The following SH3PXD2B variants were observed in gnomAD, a reference collection of about 807,000 sequenced individuals.
SH3PXD2B encodes SH3 and PX domain-containing protein 2B.
In SH3PXD2B, 37 loss-of-function variants were observed where a neutral mutation model predicts 73.1. The observed-to-expected ratio is 0.51, with a 90% CI of 0.39 to 0.67. The LOEUF is 0.67. SH3PXD2B is among the 30% of genes least tolerant of loss of function. The pLI is 0.00. For missense variants in SH3PXD2B, 1,053 were observed against 1,197.8 expected, an observed-to-expected ratio of 0.88 and a Z score of 1.78; for synonymous variants, 457 against 480.5, an observed-to-expected ratio of 0.95 and a Z score of 0.64.
rs1483406891 is a variant in SH3PXD2B at position 172,445,916 on chromosome 5, C to T, written c.75+8362G>A. On this transcript the variant is annotated intron_variant, in intron 1 of 12. Transcript: ENST00000311601. This position sits in a 1 kb window ranked among gnomAD's most constrained non-coding sequence, Gnocchi z 5.2. ...TGGAGAATGGGGCAGAGGCCGATGG[C>T]TTGTGGCGGAGCTCAGGTCCGCAGG... Among the ~76,000 whole-genome samples, 3 of 152,364 alleles carry T rather than the reference C, an allele frequency of 2.0e-5. No homozygotes were observed. In the East Asian group the frequency reaches 5.8e-4, roughly 29 times the overall value.
At chr5:172,391,954 T>C (rs1308253211) in intron 4 of SH3PXD2B, among the ~76,000 whole-genome samples, 2 of 152,218 alleles carry the variant, frequency 1.3e-5, no homozygotes, top group Admixed American at 1.3e-4. Context: ...TTAGCTCTTA[T>C]ATTTAGGATT....
At chr5:172,442,600 C>A (rs942025062) in intron 1 of SH3PXD2B, among the ~76,000 whole-genome samples, 2 of 152,130 alleles carry the variant, frequency 1.3e-5, no homozygotes, top group Non-Finnish European at 2.9e-5. Context: ...TTAAGGAGTA[C>A]ATCCTTAATT....
intron 2 of SH3PXD2B, among the ~76,000 whole-genome samples, chr5:172,410,213 C>G (rs910795365): frequency 2.6e-5 from 4 of 152,216 alleles, no homozygotes; most frequent in East Asian, 1.9e-4. Context: ...TTTTGAGGAA[C>G]CTCTACATTG....
downstream of SH3PXD2B, among the ~76,000 whole-genome samples, chr5:172,329,540 C>CTTTTTTTTTTTTTTTTTTTTT (rs370876232): frequency 4.0e-3 from 430 of 106,404 alleles, 48 homozygotes; most frequent in Non-Finnish European, 5.0e-3. Context: ...CTTTGTTATT[C>CTTTTTTTTTTTTTTTTTTTTT]TTTTTTTTTT....
At chr5:172,385,094 C>T (rs527902689) in intron 4 of SH3PXD2B, among the ~76,000 whole-genome samples, 36 of 152,248 alleles carry the variant, frequency 2.4e-4, no homozygotes, top group Non-Finnish European at 4.0e-4. Flanking sequence ...TTTTCTGGTT[C>T]CAAGCAGTGA....
At chr5:172,355,075 G>A (rs1233515037) in intron 8 of SH3PXD2B, among the ~76,000 whole-genome samples, 1 of 152,242 alleles carries the variant, frequency 6.6e-6, no homozygotes, top group Non-Finnish European at 1.5e-5. Flanking sequence ...GCAAGGAGAG[G>A]AGAGGGCTCT....
In SH3PXD2B at chr5:172,336,644, T is replaced by C. The variant is rs947136348; in HGVS notation, c.*1725A>G. ...AAAACTGGCTTTGTGGGTCCAAAAG[T>C]ATCTCGCCTGATGAACACTGTGAAC... On this transcript the variant is annotated 3_prime_UTR_variant, in exon 13 of 13. Coordinates refer to ENST00000311601, the MANE Select transcript of SH3PXD2B (RefSeq NM_001017995.3). 8.1e-5 allele frequency: 79 copies of C among 981,260 alleles called. No homozygotes were observed. The highest frequency in any genetic ancestry group is 9.5e-5 in the Non-Finnish European group (79 of 829,252). The allele number at this position is 981,260 out of a possible 1,614,324, so 60.8% of individuals were successfully genotyped here.
chr5:172,325,298 AC>A lies in SH3PXD2B; in HGVS notation c.1270del (p.Val424TrpfsTer17). The stretch of plus-strand genomic sequence containing the variant: ...TTCTCACATCTCCATGGAAGCTGCC[AC>A]GTGCTTCCCAAGTGCTGTCCGCATC... On this transcript the variant is annotated frameshift_variant, in exon 13 of 13. Coordinates refer to the SH3PXD2B transcript ENST00000519643. LOFTEE classifies it high-confidence loss of function. 6.5e-7 allele frequency: 1 copy of A among 1,535,352 alleles called. No homozygotes were observed. The highest frequency in any genetic ancestry group is 8.7e-7 in the Non-Finnish European group (1 of 1,146,646).
At chr5:172,423,547 G>GT (rs34310503) in intron 1 of SH3PXD2B, among the ~76,000 whole-genome samples, 3 of 129,796 alleles carry the variant, frequency 2.3e-5, no homozygotes, top group Non-Finnish European at 4.9e-5. Flanking sequence ...TACGGGGTTG[G>GT]GGGGGGGGGC....
Position 172,335,576 on chromosome 5 carries a change from CGT to C in SH3PXD2B, c.*2791_*2792del. The C allele has an allele frequency of 8.1e-7, 1 of 1,231,718 alleles. No individual in the cohort carries two copies. Among genetic ancestry groups the C allele is most frequent in the Non-Finnish European group, 1.0e-6 (1 of 987,946 alleles). The allele number at this position is 1,231,718 out of a possible 1,614,324, so 76.3% of individuals were successfully genotyped here. ...AGGCTTGCCGTAAGGATTAAAGGAG[CGT>C]GTGTGTTTAGGCACTGGTCACCAGC... On this transcript the variant is annotated 3_prime_UTR_variant, in exon 13 of 13. Coordinates refer to ENST00000311601, the MANE Select transcript of SH3PXD2B (RefSeq NM_001017995.3).
intron 6 of SH3PXD2B, among the ~76,000 whole-genome samples, chr5:172,371,397 A>T (rs1757700295): frequency 6.6e-6 from 1 of 152,246 alleles, no homozygotes; most frequent in South Asian, 2.1e-4. Flanking sequence ...CCAGCCAGCC[A>T]GCCATGACTG....
intron 1 of SH3PXD2B, among the ~76,000 whole-genome samples, chr5:172,444,745 C>T (rs1759624642): frequency 1.3e-5 from 2 of 152,098 alleles, no homozygotes; most frequent in Admixed American, 1.3e-4. Context: ...CTGGATTCAC[C>T]CATGAAGGGC....
chr5:172,373,642 C>T (rs1380839172), intron 6 of SH3PXD2B, 148 bp downstream of exon 6: 43 of 860,400 alleles, frequency 5.0e-5, no homozygotes, highest in Non-Finnish European at 7.2e-5. Context: ...TCAGCCACCC[C>T]TCCTTCCCTT....
Position 172,337,273 on chromosome 5 carries a change from C to G in SH3PXD2B, c.*1096G>C, listed in dbSNP as rs1178461072. The G allele has an allele frequency of 3.0e-6, 3 of 985,742 alleles. No homozygotes were observed. The African/African-American group carries it at 5.2e-5, about 17-fold the overall frequency. 61.1% of individuals were successfully genotyped at this position (985,742 alleles called of 1,614,324 possible). A position where few individuals can be genotyped will look rare whatever the true frequency, so the allele number is the denominator to read the frequency against. On this transcript the variant is annotated 3_prime_UTR_variant, in exon 13 of 13. Transcript: ENST00000311601. The stretch of plus-strand genomic sequence containing the variant: ...CCTCACAATGAAGCCACTTGGCCAC[C>G]ACTTAGCCAGCTTCTATCTCTTCCC...
chr5:172,362,643 C>T (rs1023145395), intron 7 of SH3PXD2B, 92 bp downstream of exon 7: 13 of 1,588,906 alleles, frequency 8.2e-6, no homozygotes, highest in Non-Finnish European at 9.5e-6. Context: ...CCAGTCTGGA[C>T]TGGCCATTTC....
intron 6 of SH3PXD2B, among the ~76,000 whole-genome samples, chr5:172,363,730 A>G (rs1268783974): frequency 6.6e-6 from 1 of 152,146 alleles, no homozygotes; most frequent in African/African-American, 2.4e-5. Context: ...AAGTGCATGG[A>G]AAGAGTGGTT....
intron 1 of SH3PXD2B, among the ~76,000 whole-genome samples, chr5:172,452,070 A>G (rs1202999431): frequency 6.6e-6 from 1 of 152,232 alleles, no homozygotes; most frequent in Non-Finnish European, 1.5e-5. Flanking sequence ...ACCTCAGGAC[A>G]GGCAGGCAGG....
At position 172,350,310 on chromosome 5, in the gene SH3PXD2B, G is replaced by C. The variant is rs1051406390; in HGVS notation, c.1012+53C>G. The C allele has an allele frequency of 5.7e-6, 9 of 1,575,660 alleles. No individual in the cohort carries two copies. The African/African-American group carries it at 1.1e-4, about 19-fold the overall frequency. ...GACGATGTGAGACGCCTTGAGCACA[G>C]AGCTGGCACACAGGGGCCCTGATTA... On this transcript the variant is annotated intron_variant, in intron 10 of 12. Coordinates refer to ENST00000311601, the MANE Select transcript of SH3PXD2B (RefSeq NM_001017995.3).
chr5:172,353,757 T>C lies in SH3PXD2B; in HGVS notation c.785+131A>G, dbSNP rs1328046796. 1.3e-6 allele frequency: 1 copy of C among 771,422 alleles called. No homozygotes were observed. The highest frequency in any genetic ancestry group is 1.4e-5 in the South Asian group (1 of 70,224). 47.8% of individuals were successfully genotyped at this position (771,422 alleles called of 1,614,324 possible). ...AACACAGAGGAGAAGTATCCTTTTA[T>C]GGTTCAGGCGGAAACTTCGCCCAGA... On this transcript the variant is annotated intron_variant, in intron 9 of 12. Coordinates refer to ENST00000311601, the MANE Select transcript of SH3PXD2B (RefSeq NM_001017995.3). This position sits in a 1 kb window ranked among gnomAD's most constrained non-coding sequence, Gnocchi z 4.3.
Sources: allele counts gnomAD v4.1 joint callset (sites outside exome capture counted in the v4.1 genomes callset), GRCh38; gene constraint gnomAD v4.1.1; non-coding constraint Gnocchi (gnomAD v3.1); transcripts MANE v1.5; gene names NCBI Gene and HGNC (gene_info 2026-07-23, HGNC 2026-07-21).